The following R3HDM2 variants were observed in gnomAD, a reference collection of about 807,000 sequenced individuals.
The protein encoded by R3HDM2 is R3H domain-containing protein 2.
In R3HDM2, 38 loss-of-function variants were observed where a neutral mutation model predicts 124.5. The observed-to-expected ratio is 0.31, with a 90% CI of 0.24 to 0.40. R3HDM2 has a LOEUF of 0.40. Among genes scored for constraint, R3HDM2 ranks in the 10% least tolerant of loss-of-function variants. R3HDM2 has a pLI of 1.00. For synonymous variants in R3HDM2, 391 were observed against 448.0 expected (o/e 0.87, Z 1.61); for missense variants, 869 against 1,236.9 (o/e 0.70, Z 4.46).
rs2064546803 is a variant in R3HDM2, at chr12:57,379,476, A to C, written c.-36+16273T>G. Among the ~76,000 whole-genome samples the C allele has an allele frequency of 5.3e-5, 8 of 152,142 alleles. No homozygotes were observed. The South Asian group carries it at 1.7e-3, about 31-fold the overall frequency. On this transcript the variant is annotated intron_variant, in intron 2 of 23. Coordinates refer to ENST00000402412, the MANE Select transcript of R3HDM2 (RefSeq NM_001394031.1). ...ATGCCTGTAATCCCAGCTACTCGGGAGGCTGAGGCAGGAGAACAGCTTGAA... is the reference window on the plus strand; with the variant it reads ...ATGCCTGTAATCCCAGCTACTCGGGCGGCTGAGGCAGGAGAACAGCTTGAA...
At chr12:57,409,427 C>T (rs1361868384) in intron 1 of R3HDM2, among the ~76,000 whole-genome samples, 1 of 149,978 alleles carries the variant, frequency 6.7e-6, no homozygotes, top group African/African-American at 2.5e-5. Flanking sequence ...GAATTATATA[C>T]TACTAGATTT....
chr12:57,276,489 T>C (rs545718791), intron 14 of R3HDM2, among the ~76,000 whole-genome samples: 24 of 152,296 alleles, frequency 1.6e-4, no homozygotes, highest in South Asian at 6.2e-4. Context: ...CTGGATGAGA[T>C]TGGAGACTAT....
At chr12:57,312,255 T>C (rs2054071108) in intron 2 of R3HDM2, among the ~76,000 whole-genome samples, 1 of 152,066 alleles carries the variant, frequency 6.6e-6, no homozygotes, top group Non-Finnish European at 1.5e-5. Context: ...GAAGCAAAGT[T>C]AGCCTCATCC....
chr12:57,388,306 TTGAG>T (rs1566451415), intron 2 of R3HDM2, among the ~76,000 whole-genome samples: 1 of 152,140 alleles, frequency 6.6e-6, no homozygotes, highest in Non-Finnish European at 1.5e-5. Context: ...GAGGAGTATT[TTGAG>T]TGGCAACTAT....
intron 1 of R3HDM2, chr12:57,418,222 C>T (rs887996111): frequency 1.0e-6 from 1 of 985,270 alleles, no homozygotes; most frequent in African/African-American, 1.7e-5. Flanking sequence ...CCCCTCTTCC[C>T]ACATTTAAAC....
chr12:57,300,066 AG>A (rs746831386), intron 5 of R3HDM2, 28 bp downstream of exon 5: 1 of 1,515,434 alleles, frequency 6.6e-7, no homozygotes, highest in African/African-American at 1.4e-5. Flanking sequence ...CAAGCGCAAA[AG>A]CTACACTTAC....
intron 1 of R3HDM2, among the ~76,000 whole-genome samples, chr12:57,424,354 G>C (rs2070505992): frequency 6.6e-6 from 1 of 151,872 alleles, no homozygotes; most frequent in Non-Finnish European, 1.5e-5. Flanking sequence ...CAGAGATGGG[G>C]TTTCATTATG....
intron 2 of R3HDM2, 30 bp downstream of exon 2, chr12:57,395,719 A>G: frequency 1.1e-6 from 1 of 915,218 alleles, no homozygotes; most frequent in Non-Finnish European, 1.3e-6. Flanking sequence ...GGAACACAGA[A>G]AGTGCTCCAT....
intron 1 of R3HDM2, among the ~76,000 whole-genome samples, chr12:57,399,576 A>G (rs1046492229): frequency 3.3e-5 from 5 of 152,204 alleles, no homozygotes; most frequent in African/African-American, 4.8e-5. Flanking sequence ...TAGGCAATAG[A>G]TAAGTCAGAA....
Position 57,349,280 on chromosome 12 carries a change from T to G in R3HDM2, c.-35-38817A>C, listed in dbSNP as rs949718394. On this transcript the variant is annotated intron_variant, in intron 2 of 23. Transcript: ENST00000402412. ...CTGTAGTCCCAGCTACTCGGGAGGC[T>G]GAGGCAGGAGAATGGCGTGAACCCG... 4.9e-5 allele frequency among the ~76,000 whole-genome samples: 7 copies of G among 144,082 alleles called. No individual in the cohort carries two copies. In the East Asian group the frequency reaches 1.3e-3, roughly 27 times the overall value. The allele number at this position is 144,082 out of a possible 152,430, so 94.5% of individuals were successfully genotyped here.
intron 1 of R3HDM2, among the ~76,000 whole-genome samples, chr12:57,420,834 T>C (rs1224541939): frequency 1.3e-5 from 2 of 152,116 alleles, no homozygotes; most frequent in Non-Finnish European, 2.9e-5. Flanking sequence ...TATATACTAC[T>C]ATACTGCTGA....
chr12:57,395,672 G>A, intron 2 of R3HDM2, 77 bp downstream of exon 2: 1 of 547,964 alleles, frequency 1.8e-6, no homozygotes, highest in Non-Finnish European at 2.3e-6. Context: ...GTTGTGTGAG[G>A]ATTAAATGAG....
chr12:57,414,227 T>C (rs2069314481), intron 1 of R3HDM2, among the ~76,000 whole-genome samples: 1 of 151,078 alleles, frequency 6.6e-6, no homozygotes. Context: ...GGCTCATGCC[T>C]GTAATCCCAG....
At chr12:57,394,153 C>T (rs2067133615) in intron 2 of R3HDM2, among the ~76,000 whole-genome samples, 1 of 151,526 alleles carries the variant, frequency 6.6e-6, no homozygotes, top group Non-Finnish European at 1.5e-5. Flanking sequence ...AAAAATTAGC[C>T]AGGTGTGGTG....
intron 2 of R3HDM2, among the ~76,000 whole-genome samples, chr12:57,312,669 G>A (rs1162097217): frequency 6.6e-6 from 1 of 152,002 alleles, no homozygotes; most frequent in East Asian, 1.9e-4. Flanking sequence ...TCAGGAGTTC[G>A]AGACCAGCCT....
chr12:57,417,182 T>A (rs2069715698), intron 1 of R3HDM2, among the ~76,000 whole-genome samples: 1 of 151,474 alleles, frequency 6.6e-6, no homozygotes, highest in Middle Eastern at 3.4e-3. Flanking sequence ...GGTGGGTGGA[T>A]CACCTTAGGT....
At chr12:57,375,675 CT>C (rs35984368) in intron 2 of R3HDM2, among the ~76,000 whole-genome samples, 54,266 of 133,000 alleles carry the variant, frequency 0.41, 9,772 homozygotes, top group South Asian at 0.48. Context: ...AGATCAGCTG[CT>C]TTTTTTTTTT....
In R3HDM2 at chr12:57,254,652, T is replaced by G; in HGVS notation, c.*121A>C. On this transcript the variant is annotated 3_prime_UTR_variant, in exon 24 of 24. Coordinates refer to ENST00000402412, the MANE Select transcript of R3HDM2 (RefSeq NM_001394031.1). ...TGTGTTTCCATCTTCATCACTGTCT[T>G]AGGTTCCAGTTTAACATCAGTTTCC... is the stretch of plus-strand genomic sequence containing the variant. The G allele has an allele frequency of 1.2e-6, 1 of 858,062 alleles. No homozygotes were observed. The highest frequency in any genetic ancestry group is 1.7e-6 in the Non-Finnish European group (1 of 571,800). The allele number at this position is 858,062 out of a possible 1,614,324, so 53.2% of individuals were successfully genotyped here.
intron 2 of R3HDM2, among the ~76,000 whole-genome samples, chr12:57,330,359 T>C (rs993962308): frequency 2.0e-5 from 3 of 152,004 alleles, no homozygotes. Context: ...CTTTTTTTTT[T>C]TGAAATGGGG....
Sources: allele counts gnomAD v4.1 joint callset (sites outside exome capture counted in the v4.1 genomes callset), GRCh38; gene constraint gnomAD v4.1.1; transcripts MANE v1.5; gene names NCBI Gene and HGNC (gene_info 2026-07-23, HGNC 2026-07-21).